The following B4GALT4 variants were observed in gnomAD, a reference collection of about 807,000 sequenced individuals.
The protein encoded by B4GALT4 is beta-1,4-galactosyltransferase 4.
A neutral mutation model predicts 37.3 loss-of-function variants in B4GALT4; 27 were observed. The observed-to-expected ratio is 0.72, with a 90% CI of 0.53 to 1.00. The LOEUF (loss-of-function observed/expected upper bound fraction) is 1.00. B4GALT4 is among the 50% of genes least tolerant of loss of function. B4GALT4 has a pLI of 0.00. For missense variants in B4GALT4, 372 were observed against 413.1 expected, an observed-to-expected ratio of 0.90 and a Z score of 0.86; for synonymous variants, 148 against 154.1, an observed-to-expected ratio of 0.96 and a Z score of 0.29.
At chr3:119,219,751 T>C (rs1240778135) in intron 5 of B4GALT4, among the ~76,000 whole-genome samples, 2 of 152,160 alleles carry the variant, frequency 1.3e-5, no homozygotes, top group East Asian at 3.8e-4. Context: ...CCCAGTTATA[T>C]AGGACTCTTA....
At chr3:119,222,169 T>C (rs2078469099) in intron 5 of B4GALT4, among the ~76,000 whole-genome samples, 2 of 152,198 alleles carry the variant, frequency 1.3e-5, no homozygotes. Context: ...AAGTTTAAGA[T>C]TATCATCTAT....
intron 6 of B4GALT4, 65 bp from the exon 7 acceptor site, chr3:119,216,409 G>A: frequency 7.8e-7 from 1 of 1,276,218 alleles, no homozygotes; most frequent in East Asian, 2.4e-5. Flanking sequence ...CAAATAAAAA[G>A]CATCATTTGC....
chr3:119,221,609 G>A (rs1485972627), intron 5 of B4GALT4, among the ~76,000 whole-genome samples: 3 of 152,148 alleles, frequency 2.0e-5, no homozygotes, highest in Non-Finnish European at 4.4e-5. Flanking sequence ...AAAAGATGAG[G>A]CTGCTTACAT....
At chr3:119,224,033 GC>G in intron 5 of B4GALT4, 24 bp downstream of exon 5, 3 of 1,587,514 alleles carry the variant, frequency 1.9e-6, no homozygotes, top group African/African-American at 1.4e-5. Flanking sequence ...CTCGACCTAA[GC>G]CACCCTCAGC....
At chr3:119,234,116 G>GTTTTTT (rs373341157) in intron 2 of B4GALT4, among the ~76,000 whole-genome samples, 1 of 148,088 alleles carries the variant, frequency 6.8e-6, no homozygotes, top group Non-Finnish European at 1.5e-5. Context: ...CAGGACACAA[G>GTTTTTT]TTTTTTTTTT....
At chr3:119,212,754 A>C (rs2078194380) in intron 7 of B4GALT4, 73 bp from the exon 8 acceptor site, 1 of 1,354,980 alleles carries the variant, frequency 7.4e-7, no homozygotes, top group African/African-American at 1.5e-5. Context: ...CCTTGCCCTG[A>C]AATGTGGCAA....
chr3:119,229,620 G>C (rs780788285), intron 3 of B4GALT4, among the ~76,000 whole-genome samples: 4 of 152,152 alleles, frequency 2.6e-5, no homozygotes, highest in African/African-American at 2.4e-5. Flanking sequence ...TTACATGCTT[G>C]TTAAACAAGT....
At position 119,224,251 on chromosome 3, in the gene B4GALT4, G is replaced by C. The variant is rs765834405; in HGVS notation, c.487-6C>G. 6.3e-6 allele frequency: 10 copies of C among 1,575,282 alleles called. No homozygotes were observed. In the Admixed American group the frequency reaches 1.2e-4, roughly 19 times the overall value. ...TTAAACTTTTTACCTTCAGCCTAGA[G>C]ATATGAAAATTAAAACTTGAAAAGC... is the stretch of plus-strand genomic sequence containing the variant. On this transcript the variant is annotated splice_polypyrimidine_tract_variant and splice_region_variant and intron_variant, in intron 4 of 7. Coordinates refer to ENST00000393765, the MANE Select transcript of B4GALT4 (RefSeq NM_003778.4).
At chr3:119,227,716 G>A (rs2078668634) in intron 3 of B4GALT4, among the ~76,000 whole-genome samples, 1 of 152,174 alleles carries the variant, frequency 6.6e-6, no homozygotes, top group African/African-American at 2.4e-5. Flanking sequence ...GAGGAAAACA[G>A]CTCAGGTTTT....
Position 119,221,736 on chromosome 3 carries a change from C to A in B4GALT4, c.674+2322G>T, listed in dbSNP as rs115442284. On this transcript the variant is annotated intron_variant, in intron 5 of 7. Transcript: ENST00000393765. ...AGAACCCTGATCTGCAAATAAGATT[C>A]TTTTCAATTTCTAAAAGAGGGCCAT... 3.3e-3 allele frequency among the ~76,000 whole-genome samples: 502 copies of A among 152,284 alleles called. 1 individual carries two copies. The highest frequency in any genetic ancestry group is 0.011 in the African/African-American group (469 of 41,566).
chr3:119,218,421 TCCA>T (rs773019138), intron 6 of B4GALT4, among the ~76,000 whole-genome samples: 14 of 152,258 alleles, frequency 9.2e-5, no homozygotes, highest in Non-Finnish European at 1.8e-4. Context: ...ACATGAGGCC[TCCA>T]CCAACACTTC....
Position 119,216,344 on chromosome 3 carries a change from C to A in B4GALT4, c.798G>T (p.Arg266Ser). 1 of 1,608,894 alleles carries A rather than the reference C, an allele frequency of 6.2e-7. No homozygotes were observed. The highest frequency in any genetic ancestry group is 8.5e-7 in the Non-Finnish European group (1 of 1,177,798). Residue 266 changes from arginine to serine, a missense_variant and splice_region_variant, in exon 7 of 8, where the codon AGG becomes AGT. By Grantham distance (110) the Arg-to-Ser change is moderately radical. Transcript: ENST00000393765. Reference sequence around the variant, plus strand: ...AAATTTTCATTCTTTGGAGCTCAACCCTAGAAAAATAATAGAGATTTTTTT... The same window carrying A: ...AAATTTTCATTCTTTGGAGCTCAACACTAGAAAAATAATAGAGATTTTTTT... ...WGGEDDDLRL[R>S]VELQRMKISR...
intron 4 of B4GALT4, among the ~76,000 whole-genome samples, chr3:119,225,299 A>C (rs1447227222): frequency 1.3e-5 from 2 of 152,248 alleles, no homozygotes; most frequent in Non-Finnish European, 2.9e-5. Flanking sequence ...AATTCCAGTT[A>C]AGTGGTTTAT....
chr3:119,228,510 G>A (rs766318174), intron 3 of B4GALT4, among the ~76,000 whole-genome samples: 1 of 152,178 alleles, frequency 6.6e-6, no homozygotes, highest in Non-Finnish European at 1.5e-5. Context: ...AGCATTTTAA[G>A]CAAGGGGAAT....
Position 119,212,067 on chromosome 3 carries a change from C to T in B4GALT4, c.*482G>A. On this transcript the variant is annotated 3_prime_UTR_variant, in exon 8 of 8. Coordinates refer to ENST00000393765, the MANE Select transcript of B4GALT4 (RefSeq NM_003778.4). ...TTCTCCCCTCTTTTGTGGACGCCTT[C>T]TCACCTGACACCACCACTTCACAGA... 1 of 688,150 alleles carries T rather than the reference C, an allele frequency of 1.5e-6. No individual in the cohort carries two copies. Among genetic ancestry groups the T allele is most frequent in the Non-Finnish European group, 2.7e-6 (1 of 376,298 alleles). 42.6% of individuals were successfully genotyped at this position (688,150 alleles called of 1,614,324 possible). A position where few individuals can be genotyped will look rare whatever the true frequency, so the allele number is the denominator to read the frequency against.
At chr3:119,229,747 T>C (rs2078748610) in intron 3 of B4GALT4, 100 bp downstream of exon 3, 1 of 1,245,812 alleles carries the variant, frequency 8.0e-7, no homozygotes, top group Non-Finnish European at 1.1e-6. Context: ...GATATATATA[T>C]TTATGGGGTA....
At chr3:119,221,562 C>T (rs1220081930) in intron 5 of B4GALT4, among the ~76,000 whole-genome samples, 1 of 152,196 alleles carries the variant, frequency 6.6e-6, no homozygotes, top group African/African-American at 2.4e-5. Flanking sequence ...AAGGCAACTC[C>T]TACCTACATT....
intron 4 of B4GALT4, among the ~76,000 whole-genome samples, chr3:119,225,279 C>T (rs2078573627): frequency 6.6e-6 from 1 of 152,178 alleles, no homozygotes; most frequent in Non-Finnish European, 1.5e-5. Context: ...ATTCAAATTC[C>T]TTCAGAATGA....
intron 4 of B4GALT4, among the ~76,000 whole-genome samples, chr3:119,224,483 G>A (rs939295678): frequency 4.6e-5 from 7 of 152,168 alleles, no homozygotes; most frequent in Non-Finnish European, 1.0e-4. Flanking sequence ...GAAATCCAAA[G>A]ACTTGTTGTT....
Sources: allele counts gnomAD v4.1 joint callset (sites outside exome capture counted in the v4.1 genomes callset), GRCh38; gene constraint gnomAD v4.1.1; transcripts MANE v1.5; gene names NCBI Gene and HGNC (gene_info 2026-07-23, HGNC 2026-07-21).